Variants in KAZN observed in about 807,000 individuals in gnomAD.
The protein encoded by KAZN is kazrin.
KAZN carries 40 observed loss-of-function variants against 87.4 expected under a neutral mutation model. The observed-to-expected ratio is 0.46, with a 90% CI of 0.36 to 0.60. The LOEUF is 0.60. Ranked by LOEUF, KAZN falls within the 20% of genes least tolerant of loss-of-function variation. KAZN has a pLI of 0.00. For synonymous variants in KAZN, 466 were observed against 458.3 expected (o/e 1.02, Z -0.22); for missense variants, 898 against 1,073.9 (o/e 0.84, Z 2.29).
At chr1:14,950,693 C>T (rs1361864365) in intron 1 of KAZN, among the ~76,000 whole-genome samples, 1 of 152,126 alleles carries the variant, frequency 6.6e-6, no homozygotes, top group African/African-American at 2.4e-5. Context: ...GCTGCTGCGG[C>T]GGCCCTGGGC....
At chr1:14,657,844 G>C (rs751584418) in intron 1 of KAZN, among the ~76,000 whole-genome samples, 1 of 152,078 alleles carries the variant, frequency 6.6e-6, no homozygotes, top group Non-Finnish European at 1.5e-5. Flanking sequence ...CCTAGTGTTT[G>C]TTTGTTTGTT....
intron 4 of KAZN, among the ~76,000 whole-genome samples, chr1:15,048,585 TGGTCCTGGGTCGTC>T (rs1408243022): frequency 6.7e-6 from 1 of 150,166 alleles, no homozygotes; most frequent in Non-Finnish European, 1.5e-5. Flanking sequence ...CCTTGGTCGT[TGGTCCTGGGTCGTC>T]GGTCCTGGGT....
At chr1:14,731,234 A>AT (rs1643664113) in intron 1 of KAZN, among the ~76,000 whole-genome samples, 1 of 152,186 alleles carries the variant, frequency 6.6e-6, no homozygotes, top group African/African-American at 2.4e-5. Flanking sequence ...TTTTATTATT[A>AT]TTTTTAGCAA....
intron 1 of KAZN, among the ~76,000 whole-genome samples, chr1:14,700,344 C>G (rs7517365): frequency 1.3e-5 from 2 of 151,888 alleles, no homozygotes; most frequent in Non-Finnish European, 2.9e-5. Context: ...TGGTGGTGTG[C>G]GCCTGTAATC....
intron 1 of KAZN, among the ~76,000 whole-genome samples, chr1:14,871,894 T>G: frequency 6.7e-6 from 1 of 148,376 alleles, no homozygotes; most frequent in Admixed American, 6.7e-5. Context: ...AGAATGGGGG[T>G]GTTTAGAGGG....
intron 2 of KAZN, among the ~76,000 whole-genome samples, chr1:14,201,796 G>A (rs979633548): frequency 3.9e-5 from 6 of 152,162 alleles, no homozygotes; most frequent in African/African-American, 7.2e-5. Context: ...AGCCTCCCGA[G>A]TAGCTGGGAT....
intron 1 of KAZN, among the ~76,000 whole-genome samples, chr1:14,086,640 C>T (rs1243063407): frequency 6.6e-6 from 1 of 152,104 alleles, no homozygotes; most frequent in African/African-American, 2.4e-5. Flanking sequence ...GTAGACTTTG[C>T]TGTACTCAAA....
intron 2 of KAZN, among the ~76,000 whole-genome samples, chr1:14,387,316 CAA>C (rs921721727): frequency 9.3e-4 from 142 of 152,312 alleles, no homozygotes; most frequent in African/African-American, 3.4e-3. Context: ...CTCAGCTCGT[CAA>C]AGTCATTCTC....
Position 15,094,488 on chromosome 1 carries a change from A to C in KAZN, c.1428+103A>C. The C allele has an allele frequency of 9.1e-7, 1 of 1,094,698 alleles. No individual in the cohort carries two copies. Among genetic ancestry groups the C allele is most frequent in the Non-Finnish European group, 1.3e-6 (1 of 756,462 alleles). The allele number at this position is 1,094,698 out of a possible 1,614,324, so 67.8% of individuals were successfully genotyped here. A position where few individuals can be genotyped will look rare whatever the true frequency, so the allele number is the denominator to read the frequency against. ...CCCACTCCTACCCTGGAGTCAGGAG[A>C]AGGTGCAATCTAGGAGCTAGCCAAT... On this transcript the variant is annotated intron_variant, in intron 9 of 14. Coordinates refer to ENST00000376030, the MANE Select transcript of KAZN (RefSeq NM_201628.3). This position sits in a 1 kb window ranked among gnomAD's most constrained non-coding sequence, Gnocchi z 4.5.
intron 2 of KAZN, among the ~76,000 whole-genome samples, chr1:14,454,848 C>A (rs75195813): frequency 6.6e-6 from 1 of 152,178 alleles, no homozygotes; most frequent in Admixed American, 6.5e-5. Flanking sequence ...AAACAACAAG[C>A]ATATATTTAA....
At chr1:14,675,703 A>G (rs1229910699) in intron 1 of KAZN, among the ~76,000 whole-genome samples, 1 of 152,162 alleles carries the variant, frequency 6.6e-6, no homozygotes, top group Non-Finnish European at 1.5e-5. Context: ...CATGCCTGAT[A>G]CCCTGTAGAT....
At chr1:14,250,325 T>C (rs1367740300) in intron 2 of KAZN, among the ~76,000 whole-genome samples, 1 of 151,998 alleles carries the variant, frequency 6.6e-6, no homozygotes, top group African/African-American at 2.4e-5. Context: ...ATTTTCCACA[T>C]GTTCTTTTGC....
rs560119744 is a variant in KAZN at position 14,926,828 on chromosome 1, T to C, written c.227-33856T>C. ...ATCCCAAGTCAAATGTGGTGCTCAGTTTAAGGAGCTGAAAGAGGTGCCCTG... is the reference window on the plus strand; with the variant it reads ...ATCCCAAGTCAAATGTGGTGCTCAGCTTAAGGAGCTGAAAGAGGTGCCCTG... On this transcript the variant is annotated intron_variant, in intron 1 of 14. Transcript: ENST00000376030. Among the ~76,000 whole-genome samples the C allele has an allele frequency of 5.3e-5, 8 of 152,204 alleles. No individual in the cohort carries two copies. In the South Asian group the frequency reaches 1.7e-3, roughly 32 times the overall value.
Position 13,929,047 on chromosome 1 carries a change from C to CTTTTT in KAZN, c.91+35310_91+35314dup, listed in dbSNP as rs33984927. ...GCCAAGGTCTAGTTCAGCTTCAAGG[C>CTTTTT]TTTTTTTTTTTTTTTTTTTTTTTAA... is the stretch of plus-strand genomic sequence containing the variant. On this transcript the variant is annotated intron_variant, in intron 1 of 16. Transcript: ENST00000636203. Among the ~76,000 whole-genome samples, 73 of 101,530 alleles carry CTTTTT rather than the reference C, an allele frequency of 7.2e-4. 2 individuals carry two copies. The highest frequency in any genetic ancestry group is 1.4e-3 in the South Asian group (4 of 2,838). The allele number at this position is 101,530 out of a possible 152,430, so 66.6% of individuals were successfully genotyped here.
At chr1:14,609,240 G>A (rs1677618372) in intron 1 of KAZN, among the ~76,000 whole-genome samples, 1 of 152,210 alleles carries the variant, frequency 6.6e-6, no homozygotes, top group African/African-American at 2.4e-5. Context: ...AGAAAGGCAA[G>A]GCTTGGGTGC....
intron 2 of KAZN, among the ~76,000 whole-genome samples, chr1:14,554,942 C>T (rs1437546908): frequency 6.6e-6 from 1 of 152,200 alleles, no homozygotes; most frequent in Non-Finnish European, 1.5e-5. Flanking sequence ...AGACCAGTGC[C>T]CCCACAACCA....
At chr1:14,029,092 A>G (rs61244655) in intron 1 of KAZN, among the ~76,000 whole-genome samples, 3,722 of 144,620 alleles carry the variant, frequency 0.026, 168 homozygotes, top group African/African-American at 0.091. Flanking sequence ...TCCCACCAAC[A>G]GTGTAAAAGT....
At chr1:15,100,146 T>C (rs1291639231) in intron 10 of KAZN, among the ~76,000 whole-genome samples, 1 of 152,122 alleles carries the variant, frequency 6.6e-6, no homozygotes, top group East Asian at 1.9e-4. Flanking sequence ...CACGGGTGCC[T>C]TCCAGAGCCC....
chr1:15,007,285 T>G (rs1027130726), intron 2 of KAZN, among the ~76,000 whole-genome samples: 7 of 152,140 alleles, frequency 4.6e-5, no homozygotes, highest in African/African-American at 1.7e-4. Flanking sequence ...GGCTGGAATA[T>G]TATGGGTATG....
Sources: gnomAD v4.1 joint callset for allele counts (sites outside exome capture counted in the v4.1 genomes callset) on GRCh38, gnomAD v4.1.1 for gene constraint, Gnocchi (gnomAD v3.1) non-coding constraint, MANE v1.5 for transcripts, NCBI Gene and HGNC (gene_info 2026-07-23, HGNC 2026-07-21) for gene names.